Variants in TCHP observed in about 807,000 individuals in gnomAD.
TCHP encodes the protein trichoplein keratin filament binding.
In TCHP, 81 loss-of-function variants were observed where a neutral mutation model predicts 88.7. The ratio of observed to expected loss-of-function variants is 0.91; its 90% CI spans 0.76 to 1.10. TCHP has a LOEUF of 1.10. Ranked by LOEUF, TCHP falls within the 50% of genes least tolerant of loss-of-function variation. TCHP has a pLI of 0.00. For missense variants in TCHP, 641 were observed against 632.1 expected, an observed-to-expected ratio of 1.01 and a Z score of -0.15; for synonymous variants, 232 against 232.5, an observed-to-expected ratio of 1.00 and a Z score of 0.02.
Position 109,916,733 on chromosome 12 carries a change from G to C in TCHP, c.*110G>C, listed in dbSNP as rs1396666466. 1.9e-6 allele frequency: 2 copies of C among 1,031,454 alleles called. No individual in the cohort carries two copies. The highest frequency in any genetic ancestry group is 2.5e-5 in the East Asian group (1 of 40,708). The allele number at this position is 1,031,454 out of a possible 1,614,324, so 63.9% of individuals were successfully genotyped here. ...ACAGTAAGTGCCCGGGGCACTGTCAGATGGCTCAGCAGTGCCTGCTCAGGT... is the reference window on the plus strand; with the variant it reads ...ACAGTAAGTGCCCGGGGCACTGTCACATGGCTCAGCAGTGCCTGCTCAGGT... On this transcript the variant is annotated 3_prime_UTR_variant, in exon 13 of 13. Transcript: ENST00000405876.
At chr12:109,899,900 C>T (rs542099324), upstream of TCHP, among the ~76,000 whole-genome samples, 10 of 152,064 alleles carry the variant, frequency 6.6e-5, no homozygotes, top group Non-Finnish European at 1.2e-4. Flanking sequence ...CTGGGCTCAA[C>T]TGATCCTCCC....
At chr12:109,908,173 C>T (rs535589939) in intron 6 of TCHP, among the ~76,000 whole-genome samples, 2 of 152,286 alleles carry the variant, frequency 1.3e-5, no homozygotes, top group South Asian at 4.1e-4. Context: ...GCTCCTGTGA[C>T]CTCACTTCCC....
At chr12:109,881,419 T>A in the TCHP span, among the ~76,000 whole-genome samples, 1 of 152,198 alleles carries the variant, frequency 6.6e-6, no homozygotes, top group Non-Finnish European at 1.5e-5. Context: ...ACATTCTGAG[T>A]AAATGACTCT....
At chr12:109,889,116 C>T in the TCHP span, among the ~76,000 whole-genome samples, 1 of 151,434 alleles carries the variant, frequency 6.6e-6, no homozygotes. Flanking sequence ...ATTGCTTGAG[C>T]TCAGGAGTTT....
At chr12:109,894,143 C>G in the TCHP span, among the ~76,000 whole-genome samples, 2 of 151,636 alleles carry the variant, frequency 1.3e-5, no homozygotes, top group African/African-American at 4.9e-5. Context: ...CAAGATTACA[C>G]CACTGTACTC....
chr12:109,902,408 G>A (rs1369764335), intron 1 of TCHP, among the ~76,000 whole-genome samples: 1 of 150,986 alleles, frequency 6.6e-6, no homozygotes, highest in Non-Finnish European at 1.5e-5. Flanking sequence ...TGATCCTCCT[G>A]CCTCAGCCAC....
At chr12:109,902,910 C>A in intron 1 of TCHP, 117 bp from the exon 2 acceptor site, 1 of 680,558 alleles carries the variant, frequency 1.5e-6, no homozygotes, top group Non-Finnish European at 2.3e-6. Context: ...AAAGTTCCAC[C>A]AGTTGATTTC....
At chr12:109,895,445 C>G (rs1033767079), upstream of TCHP, among the ~76,000 whole-genome samples, 1 of 151,796 alleles carries the variant, frequency 6.6e-6, no homozygotes, top group Non-Finnish European at 1.5e-5. Context: ...TCTTAAATGC[C>G]TGGGTTCAAG....
At chr12:109,914,905 T>G in intron 11 of TCHP, 1 of 432,898 alleles carries the variant, frequency 2.3e-6, no homozygotes, top group South Asian at 2.4e-5. Flanking sequence ...CATAGATCTC[T>G]CTTCATTTCA....
rs559739271 is a variant in TCHP, at chr12:109,906,710, T to G, written c.525+70T>G. On this transcript the variant is annotated intron_variant, in intron 5 of 12. Transcript: ENST00000405876. Reference sequence around the variant, plus strand: ...AGACTGTTCACGTCTTTGCATTCGTTTACCGTTTTCAGCATCAGTGACTCC... The same window carrying G: ...AGACTGTTCACGTCTTTGCATTCGTGTACCGTTTTCAGCATCAGTGACTCC... 12 of 1,370,556 alleles carry G rather than the reference T, an allele frequency of 8.8e-6. No homozygotes were observed. In the East Asian group the frequency reaches 2.8e-4, roughly 31 times the overall value. The allele number at this position is 1,370,556 out of a possible 1,614,324, so 84.9% of individuals were successfully genotyped here.
rs377471034 is a variant in TCHP at position 109,903,120 on chromosome 12, C to T, written c.94C>T (p.Gln32Ter). The T allele has an allele frequency of 7.1e-5, 115 of 1,613,868 alleles. No individual in the cohort carries two copies. The highest frequency in any genetic ancestry group is 8.7e-5 in the Non-Finnish European group (103 of 1,179,934). The stretch of plus-strand genomic sequence containing the variant: ...GCGAGAGCAGGAGGCCCGGCTTCGG[C>T]AGCAGTGGGAGCAGAACAGCCGTTA... ...RQREQEARLR[Q>*]QWEQNSRYFR... Residue 32 changes from glutamine to a stop codon, truncating the protein, a stop_gained, in exon 2 of 13, where the codon CAG (glutamine) becomes TAG (stop). Transcript: ENST00000405876. LOFTEE classifies it high-confidence loss of function. This position sits in a 1 kb window ranked among gnomAD's most constrained non-coding sequence, Gnocchi z 4.6.
chr12:109,902,886 T>C, intron 1 of TCHP, 141 bp from the exon 2 acceptor site: 1 of 585,178 alleles, frequency 1.7e-6, no homozygotes, highest in South Asian at 3.7e-5. Context: ...CGGTTTTGTT[T>C]GTTTGTTTGT....
chr12:109,911,354 G>A, intron 9 of TCHP, 119 bp downstream of exon 9: 1 of 572,668 alleles, frequency 1.7e-6, no homozygotes. Flanking sequence ...GCTCACACCT[G>A]TAATCCTAGC....
rs543929027 is a variant in TCHP at position 109,905,776 on chromosome 12, G to A, written c.457-796G>A. 4.6e-5 allele frequency among the ~76,000 whole-genome samples: 7 copies of A among 152,184 alleles called. No individual in the cohort carries two copies. The highest frequency in any genetic ancestry group is 8.8e-5 in the Non-Finnish European group (6 of 68,038). ...AGGACTCCTTAGCCCTGTTGGCTTC[G>A]GTGGAATCATCCAGAGCCGTTAAAT... On this transcript the variant is annotated intron_variant, in intron 4 of 12. Transcript: ENST00000405876. The surrounding 1 kb of genome is among the most constrained non-coding windows in gnomAD (Gnocchi z 4.0).
At chr12:109,889,011 C>A in the TCHP span, among the ~76,000 whole-genome samples, 2 of 143,322 alleles carry the variant, frequency 1.4e-5, no homozygotes, top group African/African-American at 2.6e-5. Context: ...GCCTGGGCAA[C>A]ATAGCAAGGT....
At position 109,903,711 on chromosome 12, in the gene TCHP, G is replaced by A. The variant is rs1458006879; in HGVS notation, c.189-226G>A. Reference sequence around the variant, plus strand: ...ACCTATGCTGTAGGATTTATGTGATGGATAATATATACATTATTTATACAT... The same window carrying A: ...ACCTATGCTGTAGGATTTATGTGATAGATAATATATACATTATTTATACAT... On this transcript the variant is annotated intron_variant, in intron 2 of 12. Coordinates refer to ENST00000405876, the MANE Select transcript of TCHP (RefSeq NM_001143852.2). The surrounding 1 kb of genome is among the most constrained non-coding windows in gnomAD (Gnocchi z 4.6). Among the ~76,000 whole-genome samples, 2 of 152,090 alleles carry A rather than the reference G, an allele frequency of 1.3e-5. No homozygotes were observed. Among genetic ancestry groups the A allele is most frequent in the Admixed American group, 1.3e-4 (2 of 15,280 alleles).
At chr12:109,898,787 CCTG>C (rs1365209998), upstream of TCHP, among the ~76,000 whole-genome samples, 1 of 152,122 alleles carries the variant, frequency 6.6e-6, no homozygotes, top group Non-Finnish European at 1.5e-5. Flanking sequence ...ACCACCACAG[CCTG>C]CTAATTTTAT....
chr12:109,906,754 A>C, intron 5 of TCHP, 114 bp downstream of exon 5: 1 of 800,294 alleles, frequency 1.2e-6, no homozygotes, highest in East Asian at 2.6e-5. Context: ...AGTGTAGTGT[A>C]CTCTTTTCTT....
intron 11 of TCHP, chr12:109,915,088 A>G (rs1870728131): frequency 4.1e-6 from 2 of 489,412 alleles, no homozygotes; most frequent in Non-Finnish European, 7.4e-6. Context: ...CAGCCTCTCC[A>G]GCTTTCTACC....
Sources: gnomAD v4.1 joint callset for allele counts (sites outside exome capture counted in the v4.1 genomes callset) on GRCh38, gnomAD v4.1.1 for gene constraint, Gnocchi (gnomAD v3.1) non-coding constraint, MANE v1.5 for transcripts, NCBI Gene and HGNC (gene_info 2026-07-23, HGNC 2026-07-21) for gene names.